Variants in EIF2S2 observed in about 807,000 individuals in gnomAD.
EIF2S2 encodes eukaryotic translation initiation factor 2 subunit 2.
EIF2S2 carries 4 observed loss-of-function variants against 44.0 expected under a neutral mutation model. That is an observed-to-expected ratio of 0.09 (90% CI 0.04 to 0.21). The LOEUF (loss-of-function observed/expected upper bound fraction) is 0.21. Among genes scored for constraint, EIF2S2 ranks in the 10% least tolerant of loss-of-function variants. The probability of loss-of-function intolerance (pLI) is 1.00; values close to 1 mark genes in which losing one functional copy is unlikely to be tolerated. For missense variants in EIF2S2, 154 were observed against 392.0 expected (o/e 0.39, Z 5.13); for synonymous variants, 108 against 128.3 (o/e 0.84, Z 1.07).
chr20:34,100,924 C>T (rs1165058232), intron 3 of EIF2S2, among the ~76,000 whole-genome samples: 1 of 152,158 alleles, frequency 6.6e-6, no homozygotes, highest in Non-Finnish European at 1.5e-5. Flanking sequence ...TCTGATTTCT[C>T]CTTCCTTCTA....
intron 3 of EIF2S2, 86 bp from the exon 4 acceptor site, chr20:34,098,719 G>C: frequency 6.8e-7 from 1 of 1,465,896 alleles, no homozygotes; most frequent in Middle Eastern, 1.8e-4. Flanking sequence ...GAGATGAGGA[G>C]GTCTTGCTTT....
chr20:34,096,671 T>A lies in EIF2S2; in HGVS notation c.669A>T (p.Thr223=). 1 of 1,601,386 alleles carries A rather than the reference T, an allele frequency of 6.2e-7. No individual in the cohort carries two copies. The highest frequency in any genetic ancestry group is 8.5e-7 in the Non-Finnish European group (1 of 1,176,360). The change falls in exon 6 of 9, where the codon ACA becomes ACT. Residue 223 remains threonine, a synonymous_variant. Coordinates refer to ENST00000374980, the MANE Select transcript of EIF2S2 (RefSeq NM_003908.5). ...AACCAACTTACAGTTTACAGATATC[T>A]GTAAAGTTGACAAAAGAAGTTTTCT... ...GTKKTSFVNF[T]DICKLLHRQP... is the part of the protein sequence containing the mutation.
chr20:34,101,976 G>A (rs2034300901), intron 3 of EIF2S2, among the ~76,000 whole-genome samples: 2 of 152,084 alleles, frequency 1.3e-5, no homozygotes, highest in South Asian at 4.1e-4. Context: ...CGTCCAGTCT[G>A]CAAAAAGCAT....
intron 3 of EIF2S2, among the ~76,000 whole-genome samples, chr20:34,100,016 C>CTTA (rs916198849): frequency 1.3e-5 from 2 of 151,976 alleles, no homozygotes; most frequent in Admixed American, 1.3e-4. Flanking sequence ...TTATTTACTT[C>CTTA]TTATTATTAT....
intron 3 of EIF2S2, among the ~76,000 whole-genome samples, chr20:34,101,219 CG>C (rs2034291537): frequency 6.6e-6 from 1 of 152,136 alleles, no homozygotes; most frequent in African/African-American, 2.4e-5. Flanking sequence ...CCAAGGCAGG[CG>C]GATCACCTAA....
chr20:34,098,476 G>C (rs1484059470), intron 4 of EIF2S2, 22 bp downstream of exon 4: 2 of 1,610,968 alleles, frequency 1.2e-6, no homozygotes, highest in Non-Finnish European at 1.7e-6. Context: ...CTCTAAATGT[G>C]CTGCTGAGTC....
chr20:34,094,584 T>A (rs2034205573), intron 6 of EIF2S2, among the ~76,000 whole-genome samples: 1 of 152,066 alleles, frequency 6.6e-6, no homozygotes, highest in African/African-American at 2.4e-5. Context: ...AAAGTGTATG[T>A]CTAGAAGGGT....
intron 6 of EIF2S2, 60 bp from the exon 7 acceptor site, chr20:34,093,791 A>C (rs545664128): frequency 8.1e-4 from 1,148 of 1,425,584 alleles, no homozygotes; most frequent in Non-Finnish European, 9.9e-4. Flanking sequence ...CCAAACTTCT[A>C]AAAAATCTGT....
intron 1 of EIF2S2, among the ~76,000 whole-genome samples, chr20:34,106,996 A>G (rs2034357294): frequency 6.6e-6 from 1 of 152,142 alleles, no homozygotes; most frequent in Admixed American, 6.6e-5. Flanking sequence ...CCTGGCTAAC[A>G]TGGTAAAACC....
intron 5 of EIF2S2, 151 bp downstream of exon 5, chr20:34,097,265 C>A: frequency 3.0e-6 from 2 of 673,338 alleles, no homozygotes; most frequent in South Asian, 3.9e-5. Context: ...CGGGTGCGCA[C>A]CAGGAATTGC....
chr20:34,102,433 A>G (rs2034305134), intron 3 of EIF2S2, among the ~76,000 whole-genome samples: 1 of 152,234 alleles, frequency 6.6e-6, no homozygotes, highest in African/African-American at 2.4e-5. Context: ...CAGGAAAAAT[A>G]TCTTACTCAT....
At chr20:34,105,130 G>C (rs1387859200) in intron 2 of EIF2S2, among the ~76,000 whole-genome samples, 2 of 152,146 alleles carry the variant, frequency 1.3e-5, no homozygotes, top group African/African-American at 4.8e-5. Context: ...GGTTCAACTG[G>C]AAAACCAGCT....
intron 3 of EIF2S2, among the ~76,000 whole-genome samples, chr20:34,100,707 T>G (rs1601535585): frequency 6.6e-6 from 1 of 152,282 alleles, no homozygotes; most frequent in South Asian, 2.1e-4. Context: ...TCTTTGGGCA[T>G]CACTCCAATA....
intron 4 of EIF2S2, 103 bp downstream of exon 4, chr20:34,098,395 G>A (rs1301938621): frequency 7.5e-7 from 1 of 1,333,602 alleles, no homozygotes; most frequent in East Asian, 2.3e-5. Context: ...GTAGAAATAA[G>A]GGGCAAGAAA....
At position 34,088,556 on chromosome 20, in the gene EIF2S2, A is replaced by G. The variant is rs2034123299; in HGVS notation, c.*1174T>C. On this transcript the variant is annotated 3_prime_UTR_variant, in exon 9 of 9. Transcript: ENST00000374980. ...TGTACTTTAAGGGTCACAGTGATTA[A>G]AAACAACACAGTCAAGACATTTGGG... 6.6e-6 allele frequency: 1 copy of G among 152,666 alleles called. No homozygotes were observed. Among genetic ancestry groups the G allele is most frequent in the Admixed American group, 6.5e-5 (1 of 15,282 alleles). The allele number at this position is 152,666 out of a possible 1,614,324, so 9.5% of individuals were successfully genotyped here. A position where few individuals can be genotyped will look rare whatever the true frequency, so the allele number is the denominator to read the frequency against.
intron 3 of EIF2S2, among the ~76,000 whole-genome samples, 185 bp downstream of exon 3, chr20:34,103,277 T>C (rs142698775): frequency 6.6e-6 from 1 of 152,324 alleles, no homozygotes; most frequent in East Asian, 1.9e-4. Flanking sequence ...TTTAAATTCC[T>C]TGAACCACAA....
intron 5 of EIF2S2, among the ~76,000 whole-genome samples, 196 bp from the exon 6 acceptor site, chr20:34,097,001 A>C (rs926307261): frequency 6.6e-6 from 1 of 152,134 alleles, no homozygotes; most frequent in Non-Finnish European, 1.5e-5. Flanking sequence ...ATGCTCAGCA[A>C]CTCCTTGTCC....
At chr20:34,090,085 G>A (rs1053677646) in intron 8 of EIF2S2, among the ~76,000 whole-genome samples, 180 bp from the exon 9 acceptor site, 1 of 152,184 alleles carries the variant, frequency 6.6e-6, no homozygotes, top group Admixed American at 6.5e-5. Context: ...CTGCTGTGGC[G>A]CTTCCGGCAC....
chr20:34,111,782 C>G (rs1215396597), intron 1 of EIF2S2, among the ~76,000 whole-genome samples: 1 of 152,256 alleles, frequency 6.6e-6, no homozygotes, highest in African/African-American at 2.4e-5. Context: ...GGATCGCCAG[C>G]CCCAGTCTCG....
Sources: allele counts gnomAD v4.1 joint callset (sites outside exome capture counted in the v4.1 genomes callset), GRCh38; gene constraint gnomAD v4.1.1; transcripts MANE v1.5; gene names NCBI Gene and HGNC (gene_info 2026-07-23, HGNC 2026-07-21).